BPNT1: variants seen among roughly 807,000 people sequenced by gnomAD.
BPNT1 encodes 3'(2'), 5'-bisphosphate nucleotidase 1, also known as 3'(2'),5'-bisphosphate nucleotidase 1.
In BPNT1, 28 loss-of-function variants were observed where a neutral mutation model predicts 36.9. The observed-to-expected ratio is 0.76, with a 90% CI of 0.56 to 1.04. BPNT1 has a LOEUF of 1.04. Ranked by LOEUF, BPNT1 falls within the 50% of genes least tolerant of loss-of-function variation. BPNT1 has a pLI of 0.00. For missense variants in BPNT1, 313 were observed against 372.9 expected, an observed-to-expected ratio of 0.84 and a Z score of 1.32; for synonymous variants, 119 against 130.9, an observed-to-expected ratio of 0.91 and a Z score of 0.62.
At chr1:220,072,809 GC>G (rs1664187068) in intron 4 of BPNT1, 40 bp downstream of exon 4, 5 of 1,515,450 alleles carry the variant, frequency 3.3e-6, no homozygotes, top group Non-Finnish European at 3.7e-6. Flanking sequence ...ATGGCAAAAA[GC>G]CCAGGTTAAT....
chr1:220,062,725 A>C (rs1339004614), intron 7 of BPNT1, 32 bp downstream of exon 7: 1 of 1,603,166 alleles, frequency 6.2e-7, no homozygotes, highest in African/African-American at 1.3e-5. Context: ...ATTCACTTGC[A>C]CTTCAGAGCA....
chr1:220,082,466 C>T (rs1301131941), intron 1 of BPNT1, among the ~76,000 whole-genome samples: 1 of 151,952 alleles, frequency 6.6e-6, no homozygotes, highest in African/African-American at 2.4e-5. Context: ...CATGCCTGAG[C>T]CACCACGCTC....
At position 220,086,481 on chromosome 1, in the gene BPNT1, C is replaced by T. The variant is rs193168905; in HGVS notation, c.-9+3205G>A. 9.2e-3 allele frequency among the ~76,000 whole-genome samples: 1,401 copies of T among 152,046 alleles called. 14 individuals are homozygous for T. The highest frequency in any genetic ancestry group is 0.014 in the Non-Finnish European group (964 of 67,984). ...TAGAGATGGGGTTTCACCACATTGGCCAGGCTGGTCTCGAACACCTGACCT... is the reference window on the plus strand; with the variant it reads ...TAGAGATGGGGTTTCACCACATTGGTCAGGCTGGTCTCGAACACCTGACCT... On this transcript the variant is annotated intron_variant, in intron 1 of 8. Transcript: ENST00000322067.
chr1:220,059,046 T>C, intron 8 of BPNT1, 54 bp from the exon 9 acceptor site: 1 of 1,591,412 alleles, frequency 6.3e-7, no homozygotes, highest in African/African-American at 1.3e-5. Flanking sequence ...GGATTGTGGT[T>C]TTTCTAGTTA....
intron 3 of BPNT1, among the ~76,000 whole-genome samples, chr1:220,073,393 G>A (rs1287695201): frequency 1.3e-5 from 2 of 151,914 alleles, no homozygotes; most frequent in African/African-American, 4.8e-5. Flanking sequence ...GGGTCAAGCA[G>A]TTCTCCTTCC....
intron 3 of BPNT1, among the ~76,000 whole-genome samples, 161 bp from the exon 4 acceptor site, chr1:220,073,118 A>G (rs1305528541): frequency 6.6e-6 from 1 of 152,228 alleles, no homozygotes; most frequent in Non-Finnish European, 1.5e-5. Context: ...AAATTTGCAA[A>G]AACAACCATA....
At chr1:220,081,236 A>G (rs1655088121) in intron 1 of BPNT1, among the ~76,000 whole-genome samples, 1 of 152,140 alleles carries the variant, frequency 6.6e-6, no homozygotes, top group South Asian at 2.1e-4. Flanking sequence ...TCTGGCCTGT[A>G]CATTCCTTTG....
In BPNT1 at chr1:220,072,881, G is replaced by C; in HGVS notation, c.302C>G (p.Pro101Arg). The change falls in exon 4 of 9, where the codon CCA becomes CGA. Residue 101 changes from proline to arginine, a missense_variant. Pro to Arg is a moderately radical substitution (Grantham distance 103). Coordinates refer to ENST00000322067, the MANE Select transcript of BPNT1 (RefSeq NM_006085.6). ...QWEEILKQPCPSQYSAIKEED... is the reference protein window; with the variant it reads ...QWEEILKQPCRSQYSAIKEED... ...TTCTTTAATAGCACTGTACTGCGAT[G>C]GGCATGGTTGCTTCAGTATTTCTTC... 6.2e-7 allele frequency: 1 copy of C among 1,614,072 alleles called. No homozygotes were observed.
rs190393666 is a variant in BPNT1, at chr1:220,072,877, C to A, written c.306G>T (p.Ser102=). ...CTTCTTCTTTAATAGCACTGTACTGCGATGGGCATGGTTGCTTCAGTATTT... is the reference window on the plus strand; with the variant it reads ...CTTCTTCTTTAATAGCACTGTACTGAGATGGGCATGGTTGCTTCAGTATTT... ...WEEILKQPCP[S]QYSAIKEEDL... is the part of the protein sequence containing the mutation. Residue 102 remains serine, a synonymous_variant, in exon 4 of 9, where the codon TCG becomes TCT. Coordinates refer to ENST00000322067, the MANE Select transcript of BPNT1 (RefSeq NM_006085.6). 1.9e-6 allele frequency: 3 copies of A among 1,613,996 alleles called. No homozygotes were observed. The highest frequency in any genetic ancestry group is 2.5e-6 in the Non-Finnish European group (3 of 1,179,896).
intron 1 of BPNT1, 94 bp downstream of exon 1, chr1:220,089,592 T>A (rs1193232508): frequency 2.0e-5 from 3 of 152,248 alleles, no homozygotes; most frequent in Non-Finnish European, 4.4e-5. Context: ...AGAAGCAATC[T>A]GATTCACATA....
intron 1 of BPNT1, among the ~76,000 whole-genome samples, chr1:220,082,085 T>TATATATATAGAGAG (rs1171093697): frequency 4.8e-5 from 5 of 103,278 alleles, no homozygotes; most frequent in African/African-American, 1.9e-4. Context: ...TATATATATA[T>TATATATATAGAGAG]AGAGAGAGAG....
At chr1:220,074,551 G>A (rs1184734051) in intron 2 of BPNT1, among the ~76,000 whole-genome samples, 1 of 151,280 alleles carries the variant, frequency 6.6e-6, no homozygotes, top group Non-Finnish European at 1.5e-5. Context: ...GCTGGAGTAC[G>A]GTGGCACGAT....
intron 2 of BPNT1, among the ~76,000 whole-genome samples, chr1:220,078,110 G>A (rs147996736): frequency 4.6e-4 from 69 of 150,564 alleles, no homozygotes; most frequent in African/African-American, 1.6e-3. Context: ...AGAGCTTGAG[G>A]CTGCAACAAG....
intron 6 of BPNT1, among the ~76,000 whole-genome samples, chr1:220,065,520 G>C (rs1348519464): frequency 6.6e-6 from 1 of 152,192 alleles, no homozygotes; most frequent in Non-Finnish European, 1.5e-5. Context: ...AATAAAGTTT[G>C]AATTGCTAAG....
At chr1:220,075,740 T>C (rs1010902691) in intron 2 of BPNT1, among the ~76,000 whole-genome samples, 1 of 152,226 alleles carries the variant, frequency 6.6e-6, no homozygotes, top group East Asian at 1.9e-4. Context: ...GAACCTTGTG[T>C]GATAAACTGA....
intron 7 of BPNT1, among the ~76,000 whole-genome samples, chr1:220,060,636 C>T (rs550173817): frequency 2.0e-5 from 3 of 152,228 alleles, no homozygotes; most frequent in South Asian, 2.1e-4. Context: ...TGGGATCACA[C>T]GTATTGCCAT....
At chr1:220,085,001 A>C (rs1437594802) in intron 1 of BPNT1, among the ~76,000 whole-genome samples, 2 of 152,164 alleles carry the variant, frequency 1.3e-5, no homozygotes, top group East Asian at 3.8e-4. Context: ...GTAATGAAAT[A>C]GTACTATGCC....
intron 7 of BPNT1, among the ~76,000 whole-genome samples, chr1:220,060,968 TAGAAAG>T (rs1278742904): frequency 6.6e-6 from 1 of 152,216 alleles, no homozygotes; most frequent in African/African-American, 2.4e-5. Context: ...CTGGGATCTA[TAGAAAG>T]AGAATGTTCA....
intron 2 of BPNT1, among the ~76,000 whole-genome samples, chr1:220,076,701 T>TTAATAATAA (rs144111730): frequency 0.01 from 1,483 of 144,140 alleles, 13 homozygotes; most frequent in Middle Eastern, 0.047. Context: ...AAAAAATAAA[T>TTAATAATAA]TAATAATAAT....
Sources: gnomAD v4.1 joint callset for allele counts (sites outside exome capture counted in the v4.1 genomes callset) on GRCh38, gnomAD v4.1.1 for gene constraint, MANE v1.5 for transcripts, NCBI Gene and HGNC (gene_info 2026-07-23, HGNC 2026-07-21) for gene names.